Variants in FAM107B observed in about 807,000 individuals in gnomAD.
The protein encoded by FAM107B is family with sequence similarity 107 member B, also known as protein FAM107B.
Under a neutral mutation model 31.5 loss-of-function variants are expected in FAM107B, and 21 were observed. The ratio of observed to expected loss-of-function variants is 0.67; its 90% CI spans 0.47 to 0.96. The LOEUF (loss-of-function observed/expected upper bound fraction) is 0.96, where lower values mean the gene tolerates loss of function less well. FAM107B is among the 40% of genes least tolerant of loss of function. The probability of loss-of-function intolerance (pLI) is 0.00; values close to 1 mark genes in which losing one functional copy is unlikely to be tolerated. For synonymous variants in FAM107B, 157 were observed against 141.5 expected, an observed-to-expected ratio of 1.11 and a Z score of -0.78; for missense variants, 452 against 377.1, an observed-to-expected ratio of 1.20 and a Z score of -1.64.
At chr10:14,696,563 T>A (rs1855270640) in intron 1 of FAM107B, among the ~76,000 whole-genome samples, 2 of 152,168 alleles carry the variant, frequency 1.3e-5, no homozygotes, top group South Asian at 4.1e-4. Flanking sequence ...GGTAAAGAAC[T>A]TAAGAAGTAT....
At chr10:14,614,200 T>C (rs920713735) in intron 2 of FAM107B, among the ~76,000 whole-genome samples, 5 of 152,160 alleles carry the variant, frequency 3.3e-5, no homozygotes, top group African/African-American at 9.7e-5. Context: ...CCTGGGAGGT[T>C]CACAGATCAC....
At chr10:14,597,123 A>G (rs1247498231) in intron 2 of FAM107B, among the ~76,000 whole-genome samples, 2 of 152,254 alleles carry the variant, frequency 1.3e-5, no homozygotes, top group African/African-American at 4.8e-5. Flanking sequence ...ATGTGTTTCA[A>G]ATAGAATCAA....
chr10:14,704,474 AC>A (rs1366032702), intron 1 of FAM107B, among the ~76,000 whole-genome samples: 1 of 152,214 alleles, frequency 6.6e-6, no homozygotes, highest in Non-Finnish European at 1.5e-5. Flanking sequence ...AGGTGGGTCT[AC>A]CCAGAGACAG....
chr10:14,666,396 T>C (rs901946472), intron 2 of FAM107B, among the ~76,000 whole-genome samples: 1 of 151,958 alleles, frequency 6.6e-6, no homozygotes, highest in East Asian at 1.9e-4. Context: ...AACCATCAGA[T>C]CTCATGAGAA....
At chr10:14,623,305 A>G (rs915645635) in intron 2 of FAM107B, among the ~76,000 whole-genome samples, 2 of 152,244 alleles carry the variant, frequency 1.3e-5, no homozygotes, top group African/African-American at 4.8e-5. Flanking sequence ...ACAGCTTATC[A>G]CCTGCAAAAG....
At chr10:14,622,419 G>A (rs1853036841) in intron 2 of FAM107B, among the ~76,000 whole-genome samples, 1 of 150,870 alleles carries the variant, frequency 6.6e-6, no homozygotes, top group East Asian at 1.9e-4. Flanking sequence ...AGATTCTCCT[G>A]CCTCAACCTC....
chr10:14,696,654 T>G (rs970868777), intron 1 of FAM107B, among the ~76,000 whole-genome samples: 1 of 152,146 alleles, frequency 6.6e-6, no homozygotes, highest in African/African-American at 2.4e-5. Context: ...GTTGGGAGGT[T>G]TCGATTACTT....
At chr10:14,755,340 A>AAGACTCTGGGAGTTCG in intron 1 of FAM107B, among the ~76,000 whole-genome samples, 1 of 152,156 alleles carries the variant, frequency 6.6e-6, no homozygotes, top group East Asian at 1.9e-4. Flanking sequence ...TCAGGAGTTC[A>AAGACTCTGGGAGTTCG]AGACCAACCT....
In FAM107B at chr10:14,572,209, C is replaced by T. The variant is rs558119219; in HGVS notation, c.470-41694G>A. On this transcript the variant is annotated intron_variant, in intron 2 of 4. Coordinates refer to ENST00000181796, the MANE Select transcript of FAM107B (RefSeq NM_031453.4). ...AACAATGAAAAACAAACCGTACCAACTCTGGTACCAGTTACTGACCTTCCA... is the reference window on the plus strand; with the variant it reads ...AACAATGAAAAACAAACCGTACCAATTCTGGTACCAGTTACTGACCTTCCA... 11 of 985,452 alleles carry T rather than the reference C, an allele frequency of 1.1e-5. 1 individual carries two copies. The South Asian group carries it at 5.2e-4, about 46-fold the overall frequency. 61.0% of individuals were successfully genotyped at this position (985,452 alleles called of 1,614,324 possible). A position where few individuals can be genotyped will look rare whatever the true frequency, so the allele number is the denominator to read the frequency against.
At chr10:14,667,719 A>G in intron 1 of FAM107B, 28 bp from the exon 2 acceptor site, 1 of 1,613,144 alleles carries the variant, frequency 6.2e-7, no homozygotes, top group Non-Finnish European at 8.5e-7. Context: ...AAACCAGAAA[A>G]GCAGGGAGAA....
At chr10:14,583,159 C>T (rs1049418934) in intron 2 of FAM107B, among the ~76,000 whole-genome samples, 6 of 152,030 alleles carry the variant, frequency 3.9e-5, no homozygotes, top group African/African-American at 7.2e-5. Context: ...AAGGTGGGCC[C>T]GGCAGTCTCA....
chr10:14,631,193 C>T (rs1257547015), intron 2 of FAM107B, among the ~76,000 whole-genome samples: 1 of 152,132 alleles, frequency 6.6e-6, no homozygotes, highest in Non-Finnish European at 1.5e-5. Flanking sequence ...CAGTGCATAT[C>T]CCCTGGCTGG....
intron 1 of FAM107B, among the ~76,000 whole-genome samples, chr10:14,685,281 T>C (rs1854955451): frequency 6.6e-6 from 1 of 151,582 alleles, no homozygotes; most frequent in Non-Finnish European, 1.5e-5. Flanking sequence ...CCTGAGTAGC[T>C]AGGACTACAG....
At position 14,680,573 on chromosome 10, in the gene FAM107B, C is replaced by CAAAAAAAAAAAAAAA. The variant is rs35826993; in HGVS notation, c.412-12897_412-12883dup. On this transcript the variant is annotated intron_variant, in intron 1 of 4. Coordinates refer to ENST00000181796, the MANE Select transcript of FAM107B (RefSeq NM_031453.4). ...TGGGCAACAGAGCGAGACTCTGTCT[C>CAAAAAAAAAAAAAAA]AAAAAAAAAAAAAAAATGCACAGAG... 7.8e-4 allele frequency among the ~76,000 whole-genome samples: 105 copies of CAAAAAAAAAAAAAAA among 133,934 alleles called. No individual in the cohort carries two copies. The East Asian group carries it at 0.016, about 20-fold the overall frequency. The allele number at this position is 133,934 out of a possible 152,430, so 87.9% of individuals were successfully genotyped here.
chr10:14,538,772 G>A (rs1651345159), intron 2 of FAM107B, among the ~76,000 whole-genome samples: 1 of 152,290 alleles, frequency 6.6e-6, no homozygotes, highest in South Asian at 2.1e-4. Flanking sequence ...GCTGCATAAT[G>A]ACAATTCTGT....
chr10:14,566,591 C>A (rs1402464381), intron 2 of FAM107B, among the ~76,000 whole-genome samples: 1 of 152,164 alleles, frequency 6.6e-6, no homozygotes, highest in Non-Finnish European at 1.5e-5. Flanking sequence ...TGTGCCCGGG[C>A]TCCTGAGCCA....
intron 2 of FAM107B, among the ~76,000 whole-genome samples, chr10:14,658,333 G>A (rs976037585): frequency 3.9e-5 from 6 of 152,244 alleles, no homozygotes; most frequent in East Asian, 1.9e-4. Flanking sequence ...ACTGTCCTAC[G>A]GTTAAGGGAA....
intron 1 of FAM107B, among the ~76,000 whole-genome samples, chr10:14,681,624 C>G (rs1854838240): frequency 1.3e-5 from 2 of 152,180 alleles, no homozygotes; most frequent in Non-Finnish European, 2.9e-5. Context: ...TGTAATTTTC[C>G]AGACTTGTAT....
intron 2 of FAM107B, among the ~76,000 whole-genome samples, chr10:14,638,851 T>C (rs1406397318): frequency 1.3e-5 from 2 of 152,174 alleles, no homozygotes; most frequent in Non-Finnish European, 2.9e-5. Flanking sequence ...TCCTCAACTT[T>C]CTCAGGTGGT....
Sources: allele counts gnomAD v4.1 joint callset (sites outside exome capture counted in the v4.1 genomes callset), GRCh38; gene constraint gnomAD v4.1.1; transcripts MANE v1.5; gene names NCBI Gene and HGNC (gene_info 2026-07-23, HGNC 2026-07-21).